PCBP3: variants seen among roughly 807,000 people sequenced by gnomAD.
The protein encoded by PCBP3 is poly(rC) binding protein 3, also known as poly(rC)-binding protein 3.
PCBP3 carries 25 observed loss-of-function variants against 52.7 expected under a neutral mutation model. The observed-to-expected ratio is 0.47, with a 90% CI of 0.35 to 0.66. PCBP3 has a LOEUF of 0.66. Ranked by LOEUF, PCBP3 falls within the 30% of genes least tolerant of loss-of-function variation. The pLI, the probability that PCBP3 is intolerant of heterozygous loss-of-function variation, is 0.01. For synonymous variants in PCBP3, 162 were observed against 183.0 expected (o/e 0.89, Z 0.93); for missense variants, 391 against 490.3 (o/e 0.80, Z 1.91).
chr21:45,862,271 C>T (rs1197205073), intron 5 of PCBP3, among the ~76,000 whole-genome samples: 1 of 152,112 alleles, frequency 6.6e-6, no homozygotes, highest in African/African-American at 2.4e-5. Flanking sequence ...CTGGAATTGT[C>T]AGTCACTGCA....
rs189094025 is a variant in PCBP3, at chr21:45,656,412, A to G, written c.-278-12462A>G. Among the ~76,000 whole-genome samples the G allele has an allele frequency of 1.1e-3, 166 of 152,268 alleles. No homozygotes were observed. The highest frequency in any genetic ancestry group is 3.6e-3 in the African/African-American group (148 of 41,558). On this transcript the variant is annotated intron_variant, in intron 1 of 17. Transcript: ENST00000681687. This position sits in a 1 kb window ranked among gnomAD's most constrained non-coding sequence, Gnocchi z 4.3. ...ACAAGAACAGAAAACCAAACACCGC[A>G]TGTTCTCACTCATAAGTGGGAGTTG...
In PCBP3 at chr21:45,799,940, C is replaced by T. The variant is rs554669326; in HGVS notation, c.-126+44488C>T. ...CGGGCAGAGGCTGTGCTAGCTTCAC[C>T]AGGTTGGCACCGGGCTCTCCAATGC... is the stretch of plus-strand genomic sequence containing the variant. On this transcript the variant is annotated intron_variant, in intron 4 of 17. Transcript: ENST00000681687. Among the ~76,000 whole-genome samples, 14 of 152,334 alleles carry T rather than the reference C, an allele frequency of 9.2e-5. 1 individual carries two copies. In the South Asian group the frequency reaches 2.5e-3, roughly 27 times the overall value.
intron 13 of PCBP3, among the ~76,000 whole-genome samples, chr21:45,925,339 T>A (rs1159421535): frequency 6.6e-6 from 1 of 152,114 alleles, no homozygotes; most frequent in Non-Finnish European, 1.5e-5. Flanking sequence ...GTAACCTCTG[T>A]GACAGGAAAC....
chr21:45,815,432 T>C (rs2092884511), intron 4 of PCBP3, among the ~76,000 whole-genome samples: 1 of 100,992 alleles, frequency 9.9e-6, no homozygotes, highest in Admixed American at 9.8e-5. Context: ...GAGTGGTGAG[T>C]GGTGAGTCAG....
Position 45,917,566 on chromosome 21 carries a change from C to T in PCBP3, c.676-22C>T, listed in dbSNP as rs778427409. ...GTGGTGCAGCCAGGTTGCAGTCTGA[C>T]GGGGTCTCTCTCTCTCTCTAGGCCT... On this transcript the variant is annotated intron_variant, in intron 12 of 17. Transcript: ENST00000681687. This position sits in a 1 kb window ranked among gnomAD's most constrained non-coding sequence, Gnocchi z 5.3. 36 of 1,607,206 alleles carry T rather than the reference C, an allele frequency of 2.2e-5. No individual in the cohort carries two copies. The African/African-American group carries it at 2.5e-4, about 11-fold the overall frequency.
rs1415965736 is a variant in PCBP3 at position 45,925,007 on chromosome 21, A to G, written c.718-4910A>G. Among the ~76,000 whole-genome samples, 81 of 81,574 alleles carry G rather than the reference A, an allele frequency of 9.9e-4. No homozygotes were observed. The East Asian group carries it at 0.01, about 10-fold the overall frequency. The allele number at this position is 81,574 out of a possible 152,430, so 53.5% of individuals were successfully genotyped here. ...ACAGCACACGTAAGATCGGGTGTGC[A>G]CGAGGAGATGCGAACACCGGGAACA... On this transcript the variant is annotated intron_variant, in intron 13 of 17. Coordinates refer to ENST00000681687, the MANE Select transcript of PCBP3 (RefSeq NM_001384156.1).
intron 2 of PCBP3, among the ~76,000 whole-genome samples, chr21:45,696,080 A>AG (rs2082753823): frequency 2.1e-5 from 1 of 46,738 alleles, no homozygotes; most frequent in Non-Finnish European, 4.1e-5. Flanking sequence ...ACTCTGTCTC[A>AG]AAAAAAAAAA....
intron 3 of PCBP3, chr21:45,750,015 GT>G (rs1241731744): frequency 6.6e-6 from 1 of 152,236 alleles, no homozygotes; most frequent in Non-Finnish European, 1.5e-5. Flanking sequence ...ATAAGTAGAT[GT>G]TTCCCCCTTT....
intron 15 of PCBP3, among the ~76,000 whole-genome samples, chr21:45,931,751 A>C (rs1331844280): frequency 1.3e-5 from 2 of 151,654 alleles, no homozygotes; most frequent in Non-Finnish European, 2.9e-5. Context: ...AAATGAATGA[A>C]CACATCAGCC....
chr21:45,800,599 T>C lies in PCBP3; in HGVS notation c.-126+45147T>C, dbSNP rs904157072. Among the ~76,000 whole-genome samples the C allele has an allele frequency of 6.6e-6, 1 of 152,124 alleles. No homozygotes were observed. On this transcript the variant is annotated intron_variant, in intron 4 of 17. Coordinates refer to ENST00000681687, the MANE Select transcript of PCBP3 (RefSeq NM_001384156.1). The surrounding 1 kb of genome is among the most constrained non-coding windows in gnomAD (Gnocchi z 5.3). ...TCCTGCCCTGCCCTCTGCTCTCAGC[T>C]GCCTGCCCTGGTCACCTGCCACCCC...
chr21:45,795,443 A>T (rs1411397143), intron 4 of PCBP3, among the ~76,000 whole-genome samples: 1 of 152,140 alleles, frequency 6.6e-6, no homozygotes, highest in Non-Finnish European at 1.5e-5. Flanking sequence ...AGAAATCATA[A>T]AGTGCAGTAA....
intron 4 of PCBP3, among the ~76,000 whole-genome samples, chr21:45,810,133 A>G (rs1254394558): frequency 2.0e-5 from 3 of 152,186 alleles, no homozygotes; most frequent in Admixed American, 6.5e-5. Context: ...TCATGTTAAT[A>G]TGGTAAATTA....
Position 45,724,603 on chromosome 21 carries a change from G to A in PCBP3, c.-199-10789G>A, listed in dbSNP as rs1028416601. 3.3e-5 allele frequency among the ~76,000 whole-genome samples: 5 copies of A among 152,310 alleles called. No homozygotes were observed. The East Asian group carries it at 9.6e-4, about 29-fold the overall frequency. ...AAAACTGATTTGAGGTGTTAGCGGTGTCACTGTAAGTGTGAGAATGAGAAG... is the reference window on the plus strand; with the variant it reads ...AAAACTGATTTGAGGTGTTAGCGGTATCACTGTAAGTGTGAGAATGAGAAG... On this transcript the variant is annotated intron_variant, in intron 2 of 17. Coordinates refer to ENST00000681687, the MANE Select transcript of PCBP3 (RefSeq NM_001384156.1). The surrounding 1 kb of genome is among the most constrained non-coding windows in gnomAD (Gnocchi z 5.3).
At chr21:45,839,571 A>G (rs2147957513) in intron 4 of PCBP3, among the ~76,000 whole-genome samples, 1 of 152,340 alleles carries the variant, frequency 6.6e-6, no homozygotes. Context: ...ATTTGGCTTC[A>G]TAAAATCCTT....
At position 45,880,672 on chromosome 21, in the gene PCBP3, C is replaced by G. The variant is rs954615769; in HGVS notation, c.11-15536C>G. Among the ~76,000 whole-genome samples the G allele has an allele frequency of 6.6e-6, 1 of 152,096 alleles. No homozygotes were observed. On this transcript the variant is annotated intron_variant, in intron 5 of 17. Transcript: ENST00000681687. This position sits in a 1 kb window ranked among gnomAD's most constrained non-coding sequence, Gnocchi z 5.4. ...GAGACACGTGTGCCCTCTGCCCTCT[C>G]GGTGCCAGGGTGGCCCCAGGTGACT...
intron 5 of PCBP3, among the ~76,000 whole-genome samples, chr21:45,859,210 C>G (rs2148401789): frequency 6.6e-6 from 1 of 151,002 alleles, no homozygotes; most frequent in African/African-American, 2.4e-5. Context: ...ATGCCCGGCA[C>G]TGTGCTGTGG....
intron 4 of PCBP3, among the ~76,000 whole-genome samples, chr21:45,832,943 C>G (rs1355572536): frequency 1.3e-5 from 2 of 152,158 alleles, no homozygotes; most frequent in Admixed American, 1.3e-4. Context: ...CGTGAGAACT[C>G]GCTATCATGA....
rs1297570607 is a variant in PCBP3 at position 45,650,459 on chromosome 21, C to CT, written c.-279+6599dup. ...TCATCATCTTTGTAATAATTTCTTT[C>CT]TTTTTTTTAGAGACAGGGACTCTCT... On this transcript the variant is annotated intron_variant, in intron 1 of 17. Transcript: ENST00000681687. 1.4e-4 allele frequency among the ~76,000 whole-genome samples: 21 copies of CT among 151,910 alleles called. No homozygotes were observed. The East Asian group carries it at 3.3e-3, about 24-fold the overall frequency.
At chr21:45,822,357 T>C (rs2093166080) in intron 4 of PCBP3, among the ~76,000 whole-genome samples, 1 of 152,234 alleles carries the variant, frequency 6.6e-6, no homozygotes, top group African/African-American at 2.4e-5. Context: ...TTTAAATGTT[T>C]CATGGTTAAA....
Sources: allele counts gnomAD v4.1 joint callset (sites outside exome capture counted in the v4.1 genomes callset), GRCh38; gene constraint gnomAD v4.1.1; non-coding constraint Gnocchi (gnomAD v3.1); transcripts MANE v1.5; gene names NCBI Gene and HGNC (gene_info 2026-07-23, HGNC 2026-07-21).